The following DTX2 variants were observed in gnomAD, a reference collection of about 807,000 sequenced individuals.
DTX2 encodes the protein deltex E3 ubiquitin ligase 2.
A neutral mutation model predicts 55.3 loss-of-function variants in DTX2; 29 were observed. The observed-to-expected ratio is 0.52, with a 90% CI of 0.39 to 0.71. DTX2 has a LOEUF of 0.71. Ranked by LOEUF, DTX2 falls within the 30% of genes least tolerant of loss-of-function variation. DTX2 has a pLI of 0.00. For synonymous variants in DTX2, 276 were observed against 340.4 expected (o/e 0.81, Z 2.08); for missense variants, 537 against 822.5 (o/e 0.65, Z 4.25).
Position 76,482,926 on chromosome 7 carries a change from C to T in DTX2, c.687C>T (p.His229=), listed in dbSNP as rs143934697. The T allele has an allele frequency of 1.2e-6, 2 of 1,613,568 alleles. No homozygotes were observed. Among genetic ancestry groups the T allele is most frequent in the Non-Finnish European group, 1.7e-6 (2 of 1,179,558 alleles). The stretch of plus-strand genomic sequence containing the variant: ...TCCCTGCATACCCCGTCCCCCAGCA[C>T]CCCCCACACAGGACCGCTTCTGTGT... ...TNLPAYPVPQ[H]PPHRTASVFG... Residue 229 remains histidine, a synonymous_variant, in exon 4 of 11, where the codon CAC becomes CAT. Transcript: ENST00000430490.
At chr7:76,503,303 G>A (rs778614789) in intron 8 of DTX2, 123 bp from the exon 9 acceptor site, 32 of 1,133,974 alleles carry the variant, frequency 2.8e-5, no homozygotes, top group Non-Finnish European at 3.7e-5. Flanking sequence ...GCAGGAGGCT[G>A]CCAGCAACTC....
At chr7:76,501,575 C>T (rs1004133685) in intron 7 of DTX2, among the ~76,000 whole-genome samples, 8 of 151,502 alleles carry the variant, frequency 5.3e-5, no homozygotes, top group African/African-American at 1.5e-4. Flanking sequence ...GCCAGACCCC[C>T]GAGGGCGCGC....
intron 2 of DTX2, among the ~76,000 whole-genome samples, chr7:76,477,762 C>T (rs1163651695): frequency 2.2e-5 from 3 of 135,456 alleles, no homozygotes; most frequent in Non-Finnish European, 4.7e-5. Flanking sequence ...ATTGCAGCCA[C>T]TGCACTCTAG....
At position 76,480,543 on chromosome 7, in the gene DTX2, G is replaced by A. The variant is rs368803468; in HGVS notation, c.34G>A (p.Val12Met). Residue 12 changes from valine to methionine, a missense_variant, in exon 3 of 11, where the codon GTG (valine) becomes ATG (methionine). This residue lies in a region of DTX2 where 301 missense variants were observed against 396.6 expected (regional missense o/e 0.76). Coordinates refer to ENST00000430490, the MANE Select transcript of DTX2 (RefSeq NM_001102594.3). ...GGCCCCAAGCCCTTCCCTGGTGCAG[G>A]TGTACACCAGCCCCGCGGCTGTGGC... Reference protein sequence around the residue: ...AMAPSPSLVQVYTSPAAVAVW... With the variant: ...AMAPSPSLVQMYTSPAAVAVW... The A allele has an allele frequency of 8.1e-6, 13 of 1,611,562 alleles. No individual in the cohort carries two copies. The highest frequency in any genetic ancestry group is 2.7e-5 in the African/African-American group (2 of 74,866).
intron 2 of DTX2, among the ~76,000 whole-genome samples, chr7:76,465,021 C>T (rs1297766008): frequency 6.6e-6 from 1 of 150,752 alleles, no homozygotes; most frequent in Non-Finnish European, 1.5e-5. Context: ...CACTGCTCAA[C>T]TTCACCTCCC....
At position 76,482,819 on chromosome 7, in the gene DTX2, G is replaced by A. The variant is rs60006089; in HGVS notation, c.580G>A (p.Val194Ile). The A allele has an allele frequency of 2.9e-5, 46 of 1,613,656 alleles. No individual in the cohort carries two copies. The highest frequency in any genetic ancestry group is 2.1e-4 in the South Asian group (19 of 91,064). The change falls in exon 4 of 11, where the codon GTC becomes ATC. Residue 194 changes from valine to isoleucine, a missense_variant. Physicochemically the swap from Val to Ile is conservative, Grantham distance 29. This residue lies in a region of DTX2 where 301 missense variants were observed against 396.6 expected (regional missense o/e 0.76). Coordinates refer to ENST00000430490, the MANE Select transcript of DTX2 (RefSeq NM_001102594.3). ...TIIAPPGHTGVACSCHQCLSG... is the reference protein window; with the variant it reads ...TIIAPPGHTGIACSCHQCLSG... ...CATCGCTCCGCCGGGCCACACAGGC[G>A]TCGCCTGCTCTTGCCACCAGTGCCT...
chr7:76,498,371 C>T (rs1811168657), intron 6 of DTX2, among the ~76,000 whole-genome samples: 1 of 151,672 alleles, frequency 6.6e-6, no homozygotes, highest in African/African-American at 2.4e-5. Flanking sequence ...GCCCAGGGCT[C>T]TGCACGCCCT....
At chr7:76,480,210 T>C (rs949366418) in intron 2 of DTX2, among the ~76,000 whole-genome samples, 1 of 146,224 alleles carries the variant, frequency 6.8e-6, no homozygotes, top group African/African-American at 2.6e-5. Flanking sequence ...GAGGCTGAGT[T>C]GTGAGGATTG....
intron 4 of DTX2, among the ~76,000 whole-genome samples, chr7:76,488,564 T>G (rs1810125440): frequency 1.2e-5 from 1 of 83,474 alleles, no homozygotes; most frequent in Non-Finnish European, 2.4e-5. Context: ...ACCTTAGAGT[T>G]GCAGAGACCA....
intron 2 of DTX2, among the ~76,000 whole-genome samples, chr7:76,474,093 G>A (rs537825729): frequency 6.6e-6 from 1 of 150,882 alleles, no homozygotes; most frequent in Admixed American, 6.6e-5. Context: ...GGCAAATTTT[G>A]TATTTTTAGT....
chr7:76,501,339 C>A, intron 7 of DTX2: 1 of 453,340 alleles, frequency 2.2e-6, no homozygotes, highest in South Asian at 1.6e-5. Context: ...CTCATGTGTC[C>A]CACCCCTTCC....
rs146593354 is a variant in DTX2 at position 76,482,591 on chromosome 7, G to A, written c.352G>A (p.Asp118Asn). ...TGTCGTCTGGGAGTGGCTGAGCGAC[G>A]ATGGCTCCTGGACTGCCTATGAAGC... Reference protein sequence around the residue: ...RGVVWEWLSDDGSWTAYEASV... With the variant: ...RGVVWEWLSDNGSWTAYEASV... The change falls in exon 4 of 11, where the codon GAT becomes AAT. Residue 118 changes from aspartate (D) to asparagine (N), a missense_variant. Physicochemically the swap from Asp to Asn is conservative, Grantham distance 23. Transcript: ENST00000430490. The A allele has an allele frequency of 2.0e-5, 32 of 1,613,468 alleles. No individual in the cohort carries two copies. The highest frequency in any genetic ancestry group is 4.4e-5 in the South Asian group (4 of 91,078).
At chr7:76,490,994 G>T in intron 4 of DTX2, among the ~76,000 whole-genome samples, 2 of 69,318 alleles carry the variant, frequency 2.9e-5, no homozygotes, top group African/African-American at 1.6e-4. Flanking sequence ...ATGAGAACCT[G>T]CTTTTTTTTT....
chr7:76,497,996 A>AGG (rs1242505851), intron 6 of DTX2, among the ~76,000 whole-genome samples: 1 of 151,212 alleles, frequency 6.6e-6, no homozygotes, highest in Non-Finnish European at 1.5e-5. Context: ...CAGCAGGTCC[A>AGG]GGGAGTTACA....
intron 2 of DTX2, among the ~76,000 whole-genome samples, chr7:76,467,945 C>T (rs1469570816): frequency 4.1e-4 from 62 of 152,394 alleles, no homozygotes; most frequent in South Asian, 1.0e-3. Flanking sequence ...CCAGGAGGTC[C>T]AGATGGCAGG....
At position 76,505,302 on chromosome 7, in the gene DTX2, C is replaced by A; in HGVS notation, c.1642-72C>A. On this transcript the variant is annotated intron_variant, in intron 10 of 10. Coordinates refer to ENST00000430490, the MANE Select transcript of DTX2 (RefSeq NM_001102594.3). The surrounding 1 kb of genome is among the most constrained non-coding windows in gnomAD (Gnocchi z 4.4). The stretch of plus-strand genomic sequence containing the variant: ...GGGATGGGAAGAACATGGTGCCAAC[C>A]CGTGCCTGCTCACTGAGCCCCTCTC... The A allele has an allele frequency of 1.6e-6, 2 of 1,286,822 alleles. No homozygotes were observed. Among genetic ancestry groups the A allele is most frequent in the South Asian group, 1.4e-5 (1 of 73,306 alleles). 79.7% of individuals were successfully genotyped at this position (1,286,822 alleles called of 1,614,324 possible). A position where few individuals can be genotyped will look rare whatever the true frequency, so the allele number is the denominator to read the frequency against.
chr7:76,502,542 G>T, intron 8 of DTX2, 86 bp downstream of exon 8: 1 of 1,457,702 alleles, frequency 6.9e-7, no homozygotes, highest in South Asian at 1.3e-5. Context: ...GGTTCCGGGG[G>T]TGGCTGTAGG....
intron 4 of DTX2, among the ~76,000 whole-genome samples, chr7:76,491,144 C>T (rs1173565911): frequency 6.6e-6 from 1 of 151,154 alleles, no homozygotes. Context: ...ATTACAGGCG[C>T]CTGCCACCAC....
chr7:76,480,182 A>G (rs1016080563), intron 2 of DTX2, among the ~76,000 whole-genome samples: 14 of 143,474 alleles, frequency 9.8e-5, no homozygotes, highest in Admixed American at 7.8e-4. Context: ...GTGAATGCCT[A>G]TTGTCCCAGC....
Sources: allele counts gnomAD v4.1 joint callset (sites outside exome capture counted in the v4.1 genomes callset), GRCh38; gene constraint gnomAD v4.1.1; regional missense constraint gnomAD v4.1.1; non-coding constraint Gnocchi (gnomAD v3.1); transcripts MANE v1.5; gene names NCBI Gene and HGNC (gene_info 2026-07-23, HGNC 2026-07-21).